Variants in TNR observed in about 807,000 individuals in gnomAD.
TNR encodes the protein tenascin R, also known as tenascin-R.
A neutral mutation model predicts 150.4 loss-of-function variants in TNR; 45 were observed. The observed-to-expected ratio is 0.30, with a 90% CI of 0.24 to 0.38. The LOEUF is 0.38. Among genes scored for constraint, TNR ranks in the 10% least tolerant of loss-of-function variants. The pLI, the probability that TNR is intolerant of heterozygous loss-of-function variation, is 1.00. For synonymous variants in TNR, 687 were observed against 678.4 expected, an observed-to-expected ratio of 1.01 and a Z score of -0.20; for missense variants, 1,544 against 1,759.1, an observed-to-expected ratio of 0.88 and a Z score of 2.19.
chr1:175,508,089 A>T (rs1157960161), intron 2 of TNR, among the ~76,000 whole-genome samples: 1 of 152,088 alleles, frequency 6.6e-6, no homozygotes, highest in Non-Finnish European at 1.5e-5. Context: ...GGAGGGAAAG[A>T]TCACACAGGA....
At chr1:175,692,859 C>T (rs189080944) in intron 1 of TNR, among the ~76,000 whole-genome samples, 106 of 152,224 alleles carry the variant, frequency 7.0e-4, no homozygotes, top group Non-Finnish European at 1.6e-4. Context: ...CTGGTGAGGA[C>T]GTATGCAGGG....
chr1:175,720,782 A>G (rs1001524354), intron 1 of TNR, among the ~76,000 whole-genome samples: 2 of 152,254 alleles, frequency 1.3e-5, no homozygotes, highest in Admixed American at 1.3e-4. Flanking sequence ...CTCAATCCAG[A>G]GGAAGCAGAT....
chr1:175,441,489 A>C (rs1655787174), intron 2 of TNR, among the ~76,000 whole-genome samples: 1 of 152,156 alleles, frequency 6.6e-6, no homozygotes, highest in African/African-American at 2.4e-5. Context: ...ACCAGGTACT[A>C]TATATATATT....
intron 2 of TNR, among the ~76,000 whole-genome samples, chr1:175,522,696 A>G (rs1351297954): frequency 1.3e-5 from 2 of 152,204 alleles, no homozygotes; most frequent in Non-Finnish European, 2.9e-5. Flanking sequence ...AGAGAGGCTA[A>G]CCTCAGGGTT....
chr1:175,610,849 G>A (rs959007973), intron 1 of TNR, among the ~76,000 whole-genome samples: 2 of 152,222 alleles, frequency 1.3e-5, no homozygotes, highest in African/African-American at 4.8e-5. Context: ...TGGAGGAGAT[G>A]CCACCACTGC....
intron 1 of TNR, among the ~76,000 whole-genome samples, chr1:175,642,100 G>A (rs975852870): frequency 1.3e-5 from 2 of 152,046 alleles, no homozygotes; most frequent in African/African-American, 4.8e-5. Flanking sequence ...AAAAGTGAAG[G>A]GGCCTGCAAC....
intron 2 of TNR, among the ~76,000 whole-genome samples, chr1:175,509,581 A>AC (rs1659086990): frequency 6.6e-6 from 1 of 152,034 alleles, no homozygotes; most frequent in Non-Finnish European, 1.5e-5. Flanking sequence ...CTTCCAAGCC[A>AC]CCTCACCCCT....
intron 9 of TNR, among the ~76,000 whole-genome samples, chr1:175,373,522 A>G (rs1353681531): frequency 1.3e-5 from 2 of 152,194 alleles, no homozygotes; most frequent in Non-Finnish European, 1.5e-5. Flanking sequence ...TTGGGTGTGC[A>G]TGATGTTCAA....
chr1:175,587,018 CA>C (rs1257981763), intron 1 of TNR, among the ~76,000 whole-genome samples: 1 of 152,216 alleles, frequency 6.6e-6, no homozygotes, highest in African/African-American at 2.4e-5. Flanking sequence ...TTTATTTTCT[CA>C]AACATTTTAT....
At chr1:175,385,436 C>CT (rs933922479) in intron 8 of TNR, among the ~76,000 whole-genome samples, 2 of 152,120 alleles carry the variant, frequency 1.3e-5, no homozygotes, top group Non-Finnish European at 2.9e-5. Flanking sequence ...TTTATATGGG[C>CT]TTTATGAACT....
chr1:175,533,872 T>C (rs1008886329), intron 1 of TNR, among the ~76,000 whole-genome samples: 1 of 152,124 alleles, frequency 6.6e-6, no homozygotes, highest in Non-Finnish European at 1.5e-5. Flanking sequence ...CTTGGTGTGC[T>C]ACCATGGGGT....
At chr1:175,696,175 C>A (rs909086966) in intron 1 of TNR, among the ~76,000 whole-genome samples, 1 of 146,940 alleles carries the variant, frequency 6.8e-6, no homozygotes, top group South Asian at 2.2e-4. Flanking sequence ...GAAATCTGTA[C>A]ATGATTTGCT....
intron 1 of TNR, among the ~76,000 whole-genome samples, chr1:175,572,629 C>T (rs569255876): frequency 1.7e-4 from 26 of 151,580 alleles, no homozygotes; most frequent in Admixed American, 1.3e-4. Context: ...TTATAAGAAA[C>T]TTAGAATACA....
At chr1:175,339,694 C>T (rs1010381515) in intron 18 of TNR, among the ~76,000 whole-genome samples, 2 of 152,164 alleles carry the variant, frequency 1.3e-5, no homozygotes, top group African/African-American at 4.8e-5. Flanking sequence ...ACTAATAGCC[C>T]CTTTTCCTGA....
chr1:175,699,489 A>T (rs1666623932), intron 1 of TNR, among the ~76,000 whole-genome samples: 1 of 152,152 alleles, frequency 6.6e-6, no homozygotes, highest in African/African-American at 2.4e-5. Flanking sequence ...GAGATTTGCC[A>T]GCCAGTGCAA....
At chr1:175,594,599 A>G (rs758969931) in intron 1 of TNR, among the ~76,000 whole-genome samples, 2 of 152,202 alleles carry the variant, frequency 1.3e-5, no homozygotes, top group Admixed American at 1.3e-4. Context: ...TCATGCCTGT[A>G]ATCGCAATAC....
In TNR at chr1:175,657,883, A is replaced by ATATATATATATATATATATGTG. The variant is rs1464419575; in HGVS notation, c.-165+85342_-165+85343insCACATATATATATATATATATA. On this transcript the variant is annotated intron_variant, in intron 1 of 22. Transcript: ENST00000367674. ...TATATATATATATATATATATATAT[A>ATATATATATATATATATATGTG]TGTAACAAACCTGCACGTTGTGCAC... Among the ~76,000 whole-genome samples the ATATATATATATATATATATGTG allele has an allele frequency of 5.7e-4, 58 of 101,114 alleles. 2 individuals carry two copies. Among genetic ancestry groups the ATATATATATATATATATATGTG allele is most frequent in the East Asian group, 1.2e-3 (5 of 4,180 alleles). The allele number at this position is 101,114 out of a possible 152,430, so 66.3% of individuals were successfully genotyped here. A position where few individuals can be genotyped will look rare whatever the true frequency, so the allele number is the denominator to read the frequency against.
chr1:175,417,821 A>G (rs1197159352), intron 2 of TNR, among the ~76,000 whole-genome samples: 2 of 152,220 alleles, frequency 1.3e-5, no homozygotes. Flanking sequence ...GCATAACTAT[A>G]TTGGAGTTGA....
intron 1 of TNR, among the ~76,000 whole-genome samples, chr1:175,610,453 C>A (rs1663557765): frequency 6.6e-6 from 1 of 152,226 alleles, no homozygotes; most frequent in South Asian, 2.1e-4. Context: ...TGCTTGTTAA[C>A]CAAACTTTAG....
Sources: allele counts gnomAD v4.1 joint callset (sites outside exome capture counted in the v4.1 genomes callset), GRCh38; gene constraint gnomAD v4.1.1; transcripts MANE v1.5; gene names NCBI Gene and HGNC (gene_info 2026-07-23, HGNC 2026-07-21).